The following ACAD11 variants were observed in gnomAD, a reference collection of about 807,000 sequenced individuals.
ACAD11 encodes acyl-CoA dehydrogenase family member 11.
A neutral mutation model predicts 102.2 loss-of-function variants in ACAD11; 83 were observed. That is an observed-to-expected ratio of 0.81 (90% CI 0.68 to 0.97). ACAD11 has a LOEUF of 0.97. Ranked by LOEUF, ACAD11 falls within the 50% of genes least tolerant of loss-of-function variation. ACAD11 has a pLI of 0.00. For missense variants in ACAD11, 901 were observed against 951.7 expected (o/e 0.95, Z 0.70); for synonymous variants, 324 against 319.8 (o/e 1.01, Z -0.14).
At position 132,559,885 on chromosome 3, in the gene ACAD11, T is replaced by G. The variant is rs761113325; in HGVS notation, c.2176A>C (p.Ile726Leu). The G allele has an allele frequency of 6.2e-7, 1 of 1,613,730 alleles. No homozygotes were observed. The change falls in exon 19 of 20, where the codon ATC (isoleucine) becomes CTC (leucine). Residue 726 changes from isoleucine to leucine, a missense_variant. Transcript: ENST00000264990. ...RAVSKIVDWAIQVCGGAGVSQ... is the reference protein window; with the variant it reads ...RAVSKIVDWALQVCGGAGVSQ... ...ACACCAGCACCTCCGCACACCTGGA[T>G]GGCCCAGTCAACGATTTTGCTGACA...
rs1473906910 is a variant in ACAD11 at position 132,631,480 on chromosome 3, C to T, written c.703-1G>A. ...AATCCAGCACTGCTATAACTCGACACTGTAATTAAAAATAAAGAGGTCTGT... is the reference window on the plus strand; with the variant it reads ...AATCCAGCACTGCTATAACTCGACATTGTAATTAAAAATAAAGAGGTCTGT... On this transcript the variant is annotated splice_acceptor_variant, in intron 5 of 19. Transcript: ENST00000264990. LOFTEE classifies it high-confidence loss of function. 1.1e-5 allele frequency: 16 copies of T among 1,460,670 alleles called. No individual in the cohort carries two copies. The highest frequency in any genetic ancestry group is 1.4e-5 in the Non-Finnish European group (15 of 1,101,930). 90.5% of individuals were successfully genotyped at this position (1,460,670 alleles called of 1,614,324 possible).
chr3:132,654,102 A>T (rs528211406), intron 1 of ACAD11, among the ~76,000 whole-genome samples: 21 of 152,322 alleles, frequency 1.4e-4, no homozygotes, highest in Non-Finnish European at 2.5e-4. Context: ...ATTTCAGTTC[A>T]CAATAACCCT....
chr3:132,648,110 G>A (rs1576622046), intron 1 of ACAD11, among the ~76,000 whole-genome samples: 1 of 152,116 alleles, frequency 6.6e-6, no homozygotes, highest in Admixed American at 6.5e-5. Flanking sequence ...AAAGCCTCAT[G>A]CCCTACAGAA....
chr3:132,633,974 T>C (rs1318479101), intron 5 of ACAD11, among the ~76,000 whole-genome samples: 1 of 152,000 alleles, frequency 6.6e-6, no homozygotes, highest in Non-Finnish European at 1.5e-5. Flanking sequence ...ACCTAGGCAA[T>C]ACCATTCAGG....
chr3:132,651,837 T>G (rs1489943634), intron 1 of ACAD11, among the ~76,000 whole-genome samples: 1 of 152,230 alleles, frequency 6.6e-6, no homozygotes, highest in Non-Finnish European at 1.5e-5. Context: ...GGAACAGGTA[T>G]ATTTACCTAA....
At chr3:132,618,869 ATT>A in intron 10 of ACAD11, 97 bp from the exon 11 acceptor site, 2 of 1,202,628 alleles carry the variant, frequency 1.7e-6, no homozygotes, top group Admixed American at 3.5e-5. Flanking sequence ...GATCTTTGAA[ATT>A]TAAAAACACT....
At chr3:132,634,281 T>C (rs1206081351) in intron 5 of ACAD11, among the ~76,000 whole-genome samples, 1 of 152,232 alleles carries the variant, frequency 6.6e-6, no homozygotes, top group Non-Finnish European at 1.5e-5. Flanking sequence ...AAGACATTTA[T>C]GCAGCCAAAA....
At chr3:132,609,395 C>T (rs1355050069) in intron 11 of ACAD11, among the ~76,000 whole-genome samples, 1 of 151,718 alleles carries the variant, frequency 6.6e-6, no homozygotes, top group Non-Finnish European at 1.5e-5. Context: ...ACTAGCCAGA[C>T]TAATAAAGAA....
At chr3:132,601,729 A>C in intron 13 of ACAD11, 1 of 434,578 alleles carries the variant, frequency 2.3e-6, no homozygotes, top group Non-Finnish European at 4.5e-6. Context: ...TTGTGGTGAT[A>C]ATTTTGTATC....
At chr3:132,582,159 A>G (rs145790386) in intron 13 of ACAD11, among the ~76,000 whole-genome samples, 2,379 of 152,132 alleles carry the variant, frequency 0.016, 17 homozygotes, top group South Asian at 0.048. Context: ...AACAAAAAAC[A>G]ATGTAATAAG....
At chr3:132,634,986 A>G (rs547824015) in intron 5 of ACAD11, among the ~76,000 whole-genome samples, 1 of 151,856 alleles carries the variant, frequency 6.6e-6, no homozygotes, top group Non-Finnish European at 1.5e-5. Flanking sequence ...GCACACCAAC[A>G]TGGCACATGT....
chr3:132,566,536 A>C (rs1163712076), intron 17 of ACAD11, among the ~76,000 whole-genome samples: 1 of 152,138 alleles, frequency 6.6e-6, no homozygotes, highest in African/African-American at 2.4e-5. Context: ...CATCATGATT[A>C]AGTTTCTGAA....
intron 1 of ACAD11, chr3:132,645,781 A>G (rs1486686339): frequency 1.3e-5 from 2 of 152,356 alleles, no homozygotes; most frequent in South Asian, 2.1e-4. Context: ...TATGTCTTCT[A>G]TAAATCAGAC....
rs67471074 is a variant in ACAD11 at position 132,632,086 on chromosome 3, ATT to A, written c.703-609_703-608del. ...GTATCAAGGGAATATATATATATGT[ATT>A]TTTTTTTTTTTTTGAGACGGAGTCT... is the stretch of plus-strand genomic sequence containing the variant. On this transcript the variant is annotated intron_variant, in intron 5 of 19. Coordinates refer to ENST00000264990, the MANE Select transcript of ACAD11 (RefSeq NM_032169.5). 4.6e-4 allele frequency among the ~76,000 whole-genome samples: 65 copies of A among 141,722 alleles called. 1 individual carries two copies. Among genetic ancestry groups the A allele is most frequent in the East Asian group, 1.3e-3 (6 of 4,722 alleles). The allele number at this position is 141,722 out of a possible 152,430, so 93.0% of individuals were successfully genotyped here. A position where few individuals can be genotyped will look rare whatever the true frequency, so the allele number is the denominator to read the frequency against.
At chr3:132,611,376 C>A (rs1939135030) in intron 11 of ACAD11, among the ~76,000 whole-genome samples, 1 of 151,788 alleles carries the variant, frequency 6.6e-6, no homozygotes, top group South Asian at 2.1e-4. Context: ...CTGGCCAGGG[C>A]AATCAAGCAG....
At chr3:132,655,816 C>T (rs1937761746) in intron 1 of ACAD11, among the ~76,000 whole-genome samples, 1 of 152,164 alleles carries the variant, frequency 6.6e-6, no homozygotes, top group African/African-American at 2.4e-5. Context: ...CACTCAGCTG[C>T]AAATCACAAG....
intron 4 of ACAD11, 21 bp downstream of exon 4, chr3:132,641,951 C>T (rs755843310): frequency 1.3e-6 from 2 of 1,573,040 alleles, no homozygotes; most frequent in African/African-American, 1.4e-5. Context: ...AAAAAAATAG[C>T]TATTAATGTG....
intron 7 of ACAD11, 70 bp from the exon 8 acceptor site, chr3:132,628,516 G>C: frequency 9.0e-7 from 1 of 1,109,736 alleles, no homozygotes; most frequent in East Asian, 2.5e-5. Flanking sequence ...AATCTTTCCA[G>C]TTTCTCAGTT....
chr3:132,599,057 T>C (rs1257179374), intron 13 of ACAD11, among the ~76,000 whole-genome samples: 1 of 152,160 alleles, frequency 6.6e-6, no homozygotes, highest in Non-Finnish European at 1.5e-5. Flanking sequence ...TCATGCCTGT[T>C]ACTCCAACTC....
Sources: gnomAD v4.1 joint callset for allele counts (sites outside exome capture counted in the v4.1 genomes callset) on GRCh38, gnomAD v4.1.1 for gene constraint, MANE v1.5 for transcripts, NCBI Gene and HGNC (gene_info 2026-07-23, HGNC 2026-07-21) for gene names.